Variants in TOP6BL observed in about 807,000 individuals in gnomAD.
The protein encoded by TOP6BL is type 2 DNA topoisomerase 6 subunit B-like.
the TOP6BL span, among the ~76,000 whole-genome samples, chr11:66,788,729 CTTTATT>C: frequency 5.3e-5 from 8 of 152,046 alleles, no homozygotes; most frequent in African/African-American, 1.7e-4. Flanking sequence ...TCTAATGTCT[CTTTATT>C]TTTATTGAAA....
chr11:66,754,331 T>C, the TOP6BL span, among the ~76,000 whole-genome samples: 2 of 152,184 alleles, frequency 1.3e-5, no homozygotes, highest in East Asian at 3.8e-4. Flanking sequence ...TTCTTTTTCC[T>C]TTTTAAAATC....
At chr11:66,843,149 G>C in the TOP6BL span, 2 of 1,610,278 alleles carry the variant, frequency 1.2e-6, no homozygotes, top group South Asian at 2.2e-5. Flanking sequence ...TCCTCACCCC[G>C]GGCCCCCTTG....
chr11:66,813,356 T>C, the TOP6BL span, among the ~76,000 whole-genome samples: 2 of 152,226 alleles, frequency 1.3e-5, no homozygotes, highest in African/African-American at 2.4e-5. Context: ...CTCACACTTA[T>C]TAAACCCAGA....
the TOP6BL span, among the ~76,000 whole-genome samples, chr11:66,811,810 C>G: frequency 0.011 from 1,646 of 152,224 alleles, 37 homozygotes; most frequent in African/African-American, 0.037. Flanking sequence ...CATGGTGGCT[C>G]TCACCTGTAG....
chr11:66,822,891 C>T, the TOP6BL span, among the ~76,000 whole-genome samples: 1 of 151,902 alleles, frequency 6.6e-6, no homozygotes, highest in Non-Finnish European at 1.5e-5. Context: ...GTGGTTCCAG[C>T]TCCTCAGGAG....
At chr11:66,824,683 GA>G in the TOP6BL span, among the ~76,000 whole-genome samples, 1 of 144,684 alleles carries the variant, frequency 6.9e-6, no homozygotes, top group Admixed American at 7.4e-5. Flanking sequence ...ACTTATGAGT[GA>G]GAACATGTGG....
the TOP6BL span, among the ~76,000 whole-genome samples, chr11:66,791,762 A>G: frequency 2.0e-5 from 3 of 151,914 alleles, no homozygotes; most frequent in Non-Finnish European, 4.4e-5. Flanking sequence ...TGGGTCTCTA[A>G]CACCCAACAC....
chr11:66,805,786 G>T, the TOP6BL span, among the ~76,000 whole-genome samples: 1 of 152,078 alleles, frequency 6.6e-6, no homozygotes, highest in African/African-American at 2.4e-5. Context: ...TAATGAAAGT[G>T]TTCTAAAATT....
the TOP6BL span, among the ~76,000 whole-genome samples, chr11:66,834,596 G>C: frequency 6.6e-6 from 1 of 152,108 alleles, no homozygotes; most frequent in African/African-American, 2.4e-5. Context: ...TTGAGAAACT[G>C]AAAAAATGAG....
the TOP6BL span, among the ~76,000 whole-genome samples, chr11:66,795,702 A>G: frequency 1.4e-5 from 2 of 144,522 alleles, no homozygotes; most frequent in African/African-American, 5.1e-5. Context: ...CAGAGCAGTG[A>G]TTTTTTTTTT....
At chr11:66,833,714 A>G in the TOP6BL span, among the ~76,000 whole-genome samples, 1 of 152,098 alleles carries the variant, frequency 6.6e-6, no homozygotes, top group South Asian at 2.1e-4. Context: ...TTGGGAGGGC[A>G]AGGCAGGTGG....
chr11:66,804,834 G>A, the TOP6BL span, among the ~76,000 whole-genome samples: 4 of 152,108 alleles, frequency 2.6e-5, no homozygotes, highest in African/African-American at 4.8e-5. Flanking sequence ...CACTTTGGGA[G>A]GCTGAGGCGG....
chr11:66,756,247 T>C, the TOP6BL span: 4 of 988,394 alleles, frequency 4.0e-6, no homozygotes, highest in East Asian at 1.1e-4. Context: ...TTTTAAACTA[T>C]AGGTCTGTTC....
chr11:66,841,110 ATTTTTTTTT>A, the TOP6BL span, among the ~76,000 whole-genome samples: 1 of 84,628 alleles, frequency 1.2e-5, no homozygotes, highest in Admixed American at 1.4e-4. Context: ...GAGGCCTCTC[ATTTTTTTTT>A]TTTTTTTTTT....
At chr11:66,809,560 T>G in the TOP6BL span, among the ~76,000 whole-genome samples, 1 of 152,196 alleles carries the variant, frequency 6.6e-6, no homozygotes, top group Non-Finnish European at 1.5e-5. Context: ...CTCTTAAAAT[T>G]TATTCAGTGG....
At chr11:66,778,246 T>C in the TOP6BL span, among the ~76,000 whole-genome samples, 1 of 152,042 alleles carries the variant, frequency 6.6e-6, no homozygotes. Flanking sequence ...AAATTTAGGA[T>C]GAATTAAGTC....
the TOP6BL span, among the ~76,000 whole-genome samples, chr11:66,797,997 C>T: frequency 6.6e-6 from 1 of 152,198 alleles, no homozygotes; most frequent in Non-Finnish European, 1.5e-5. Context: ...TTAACTCTTA[C>T]AACACCCCTT....
the TOP6BL span, among the ~76,000 whole-genome samples, chr11:66,764,700 C>T: frequency 6.6e-6 from 1 of 151,092 alleles, no homozygotes; most frequent in Non-Finnish European, 1.5e-5. Context: ...AAAATCTGGC[C>T]AAGCATGGTG....
the TOP6BL span, among the ~76,000 whole-genome samples, chr11:66,798,978 G>A: frequency 6.6e-6 from 1 of 151,998 alleles, no homozygotes; most frequent in South Asian, 2.1e-4. Flanking sequence ...AGGCCGAGGT[G>A]GGCAGATCAC....
Sources: allele counts gnomAD v4.1 joint callset (sites outside exome capture counted in the v4.1 genomes callset), GRCh38; gene constraint gnomAD v4.1.1; transcripts MANE v1.5; gene names NCBI Gene and HGNC (gene_info 2026-07-23, HGNC 2026-07-21).